Variants in ERC2 observed in about 807,000 individuals in gnomAD.
ERC2 encodes the protein ELKS/RAB6-interacting/CAST family member 2.
Under a neutral mutation model 114.8 loss-of-function variants are expected in ERC2, and 42 were observed. The ratio of observed to expected loss-of-function variants is 0.37; its 90% CI spans 0.29 to 0.47. The LOEUF (loss-of-function observed/expected upper bound fraction) is 0.47. Ranked by LOEUF, ERC2 falls within the 20% of genes least tolerant of loss-of-function variation. The pLI is 0.99. For synonymous variants in ERC2, 454 were observed against 425.5 expected (o/e 1.07, Z -0.82); for missense variants, 939 against 1,150.7 (o/e 0.82, Z 2.66).
chr3:56,404,206 T>C (rs1388207804), intron 2 of ERC2, among the ~76,000 whole-genome samples: 1 of 152,254 alleles, frequency 6.6e-6, no homozygotes, highest in Non-Finnish European at 1.5e-5. Flanking sequence ...TAAGATTCTC[T>C]CTTGTTTTGT....
At chr3:56,063,740 C>T (rs1054437223) in intron 7 of ERC2, among the ~76,000 whole-genome samples, 5 of 152,112 alleles carry the variant, frequency 3.3e-5, no homozygotes, top group African/African-American at 9.7e-5. Context: ...TGTATGTATG[C>T]ATAAGTTATG....
At chr3:55,578,527 G>A (rs2057101069) in intron 17 of ERC2, among the ~76,000 whole-genome samples, 1 of 152,152 alleles carries the variant, frequency 6.6e-6, no homozygotes, top group Non-Finnish European at 1.5e-5. Context: ...TTCCCTGCAA[G>A]GCAGATGTCC....
At chr3:56,447,291 C>T (rs1226604269) in intron 1 of ERC2, among the ~76,000 whole-genome samples, 2 of 152,248 alleles carry the variant, frequency 1.3e-5, no homozygotes, top group African/African-American at 2.4e-5. Flanking sequence ...TCAACAGCGA[C>T]ACCTTGTGGC....
chr3:56,172,854 T>G (rs899683088), intron 4 of ERC2, among the ~76,000 whole-genome samples: 1 of 152,198 alleles, frequency 6.6e-6, no homozygotes, highest in East Asian at 1.9e-4. Flanking sequence ...CTAAATTCTC[T>G]CAGAAGGATT....
chr3:56,447,860 AG>A (rs2062650181), intron 1 of ERC2, among the ~76,000 whole-genome samples: 3 of 151,836 alleles, frequency 2.0e-5, no homozygotes, highest in Admixed American at 2.0e-4. Flanking sequence ...CTCCTGCCTC[AG>A]CCTCTCGAGT....
chr3:56,336,839 A>G (rs531847438), intron 2 of ERC2, among the ~76,000 whole-genome samples: 3 of 152,260 alleles, frequency 2.0e-5, no homozygotes, highest in East Asian at 1.9e-4. Context: ...GATTGTGCAG[A>G]GGCCTTGGAA....
chr3:56,262,613 T>TAAAAA (rs1332774071), intron 3 of ERC2, among the ~76,000 whole-genome samples: 1 of 152,210 alleles, frequency 6.6e-6, no homozygotes, highest in Non-Finnish European at 1.5e-5. Context: ...TGAAAACTGA[T>TAAAAA]ATTTGAGTTT....
rs2139223 is a variant in ERC2 at position 56,088,531 on chromosome 3, A to G, written c.1474-7547T>C. 6.2e-3 allele frequency among the ~76,000 whole-genome samples: 948 copies of G among 152,152 alleles called. 12 individuals are homozygous for G. The highest frequency in any genetic ancestry group is 0.022 in the African/African-American group (913 of 41,492). ...GGAAGAAGCAGTAGAACCTTGGGGGAGTAGACACGGGGGTTAAAGATCAAA... is the reference window on the plus strand; with the variant it reads ...GGAAGAAGCAGTAGAACCTTGGGGGGGTAGACACGGGGGTTAAAGATCAAA... On this transcript the variant is annotated intron_variant, in intron 6 of 17. Coordinates refer to ENST00000288221, the MANE Select transcript of ERC2 (RefSeq NM_015576.3).
chr3:55,816,772 C>CA (rs111476411), intron 14 of ERC2, among the ~76,000 whole-genome samples: 6,497 of 149,376 alleles, frequency 0.043, 163 homozygotes, highest in South Asian at 0.072. Context: ...AAAACAAAAA[C>CA]AAAAAAAAAC....
chr3:56,054,423 G>A (rs2149692203), intron 7 of ERC2, among the ~76,000 whole-genome samples: 1 of 152,290 alleles, frequency 6.6e-6, no homozygotes, highest in Middle Eastern at 3.4e-3. Flanking sequence ...GTCTAGATGT[G>A]GAACATGATG....
chr3:55,919,086 A>T (rs1423562826), intron 13 of ERC2, among the ~76,000 whole-genome samples: 1 of 152,194 alleles, frequency 6.6e-6, no homozygotes, highest in Non-Finnish European at 1.5e-5. Flanking sequence ...GGATATTTAA[A>T]GTATGATGTA....
At chr3:55,790,223 AAC>A (rs1373923567) in intron 14 of ERC2, among the ~76,000 whole-genome samples, 3 of 151,934 alleles carry the variant, frequency 2.0e-5, no homozygotes, top group Non-Finnish European at 2.9e-5. Flanking sequence ...AGCCATATGG[AAC>A]TTCTTATAGT....
intron 14 of ERC2, among the ~76,000 whole-genome samples, chr3:55,746,023 C>G (rs2066277841): frequency 6.6e-6 from 1 of 152,198 alleles, no homozygotes; most frequent in Non-Finnish European, 1.5e-5. Flanking sequence ...TCTTGAACTA[C>G]ATATTTCCCT....
rs912496849 is a variant in ERC2, at chr3:55,673,189, C to T, written c.*39+10605G>A. Among the ~76,000 whole-genome samples the T allele has an allele frequency of 8.5e-5, 13 of 152,280 alleles. No homozygotes were observed. The East Asian group carries it at 1.7e-3, about 20-fold the overall frequency. ...ATTGTACTGAGCCCAAATCATGTTT[C>T]GGATCAGCTGGGGGAAACACTGTTA... On this transcript the variant is annotated intron_variant, in intron 17 of 17. Coordinates refer to ENST00000288221, the MANE Select transcript of ERC2 (RefSeq NM_015576.3).
chr3:56,040,743 T>C (rs6795659), intron 7 of ERC2, among the ~76,000 whole-genome samples: 1 of 142,432 alleles, frequency 7.0e-6, no homozygotes, highest in Non-Finnish European at 1.5e-5. Context: ...TCTATATATA[T>C]AGAGAGAGAT....
At chr3:56,284,455 G>T (rs116076921) in intron 3 of ERC2, among the ~76,000 whole-genome samples, 1,617 of 152,232 alleles carry the variant, frequency 0.011, 25 homozygotes, top group African/African-American at 0.037. Flanking sequence ...TTTTAAAGGG[G>T]GAAAGAAAAG....
chr3:56,272,667 G>A (rs1486645164), intron 3 of ERC2, among the ~76,000 whole-genome samples: 1 of 152,214 alleles, frequency 6.6e-6, no homozygotes, highest in African/African-American at 2.4e-5. Flanking sequence ...CTATTCAGGA[G>A]GCTGAGGCAG....
chr3:56,431,334 C>G (rs1466943532), intron 2 of ERC2, among the ~76,000 whole-genome samples: 1 of 152,156 alleles, frequency 6.6e-6, no homozygotes, highest in Non-Finnish European at 1.5e-5. Context: ...AGAGAGGACT[C>G]CACCTCACAC....
chr3:55,827,627 G>A (rs1299062230), intron 14 of ERC2, among the ~76,000 whole-genome samples: 2 of 152,068 alleles, frequency 1.3e-5, no homozygotes, highest in African/African-American at 4.8e-5. Context: ...GGAAAACTTG[G>A]GCACAATGTA....
Sources: allele counts gnomAD v4.1 joint callset (sites outside exome capture counted in the v4.1 genomes callset), GRCh38; gene constraint gnomAD v4.1.1; transcripts MANE v1.5; gene names NCBI Gene and HGNC (gene_info 2026-07-23, HGNC 2026-07-21).